Variants in BCAN observed in about 807,000 individuals in gnomAD.
The protein encoded by BCAN is brevican core protein.
A neutral mutation model predicts 92.4 loss-of-function variants in BCAN; 51 were observed. The ratio of observed to expected loss-of-function variants is 0.55; its 90% confidence interval spans 0.44 to 0.70. BCAN has a LOEUF of 0.70. BCAN is among the 30% of genes least tolerant of loss of function. The pLI is 0.00. For missense variants in BCAN, 1,140 were observed against 1,212.1 expected (o/e 0.94, Z 0.88); for synonymous variants, 501 against 505.2 (o/e 0.99, Z 0.11).
In BCAN at chr1:156,652,655, ACTGGTGGTC is replaced by A. The variant is rs1454216234; in HGVS notation, c.1709_1717del (p.Gly570_Pro572del). The A allele has an allele frequency of 3.1e-6, 5 of 1,613,654 alleles. No individual in the cohort carries two copies. The highest frequency in any genetic ancestry group is 2.7e-5 in the African/African-American group (2 of 74,944). On this transcript the variant is annotated inframe_deletion, in exon 8 of 14. Coordinates refer to ENST00000329117, the MANE Select transcript of BCAN (RefSeq NM_021948.5). ...TGAGGCAAGAGAGGTGGGGGAGGCAACTGGTGGTCCTGAGCTATCTGGGGTCCCTCGAGG... is the reference window on the plus strand; with the variant it reads ...TGAGGCAAGAGAGGTGGGGGAGGCAACTGAGCTATCTGGGGTCCCTCGAGG...
chr1:156,645,102 G>A (rs1053756219), intron 1 of BCAN, among the ~76,000 whole-genome samples: 5 of 152,168 alleles, frequency 3.3e-5, no homozygotes, highest in African/African-American at 4.8e-5. Flanking sequence ...CGAGATCTTT[G>A]GAGGAATATT....
Position 156,656,293 on chromosome 1 carries a change from C to T in BCAN, c.1954C>T (p.Pro652Ser). 1 of 1,459,180 alleles carries T rather than the reference C, an allele frequency of 6.9e-7. No individual in the cohort carries two copies. The highest frequency in any genetic ancestry group is 1.7e-5 in the South Asian group (1 of 59,868). The allele number at this position is 1,459,180 out of a possible 1,614,324, so 90.4% of individuals were successfully genotyped here. The change falls in exon 9 of 14, where the codon CCC becomes TCC. Residue 652 changes from proline to serine, a missense_variant. Physicochemically the swap from Pro to Ser is moderately conservative, Grantham distance 74. Transcript: ENST00000329117. ...AVVPASGDCV[P>S]SPCHNGGTCL... ...TTTCCCCCTCTCAGGTGACTGTGTC[C>T]CCAGCCCCTGCCACAATGGTGGGAC...
chr1:156,645,139 G>A (rs1247829176), intron 1 of BCAN, among the ~76,000 whole-genome samples: 1 of 151,836 alleles, frequency 6.6e-6, no homozygotes, highest in Admixed American at 6.6e-5. Context: ...CTGATAGCCA[G>A]GGGTAGGAAG....
chr1:156,658,256 T>A lies in BCAN; in HGVS notation c.2422T>A (p.Cys808Ser), dbSNP rs770576806. 6.2e-7 allele frequency: 1 copy of A among 1,613,846 alleles called. No homozygotes were observed. Among genetic ancestry groups the A allele is most frequent in the Admixed American group, 1.7e-5 (1 of 59,974 alleles). ...VPCNYHLSYT[C>S]KMGLVSCGPP... is the part of the protein sequence containing the mutation. ...CTGCAACTACCACCTGTCCTACACC[T>A]GCAAGATGGGGCTGGGTGAGGGCAG... is the stretch of plus-strand genomic sequence containing the variant. The change falls in exon 12 of 14, where the codon TGC (cysteine) becomes AGC (serine). Residue 808 changes from cysteine to serine, a missense_variant. Cys to Ser is a moderately radical substitution (Grantham distance 112). Coordinates refer to ENST00000329117, the MANE Select transcript of BCAN (RefSeq NM_021948.5). This position sits in a 1 kb window ranked among gnomAD's most constrained non-coding sequence, Gnocchi z 4.4.
At chr1:156,657,500 A>G in intron 10 of BCAN, 175 bp from the exon 11 acceptor site, 3 of 569,894 alleles carry the variant, frequency 5.3e-6, no homozygotes, top group Non-Finnish European at 9.2e-6. Flanking sequence ...TCCCACCCCC[A>G]TTCCCCTGCT....
Position 156,652,571 on chromosome 1 carries a change from G to T in BCAN, c.1621G>T (p.Glu541Ter). ...TCCAAGGGTCCATGGACCACCTACT[G>T]AGACTCTGCCCACTCCCAGGGAGAG... ...RPPRVHGPPTETLPTPRERNL... is the reference protein window; with the variant it reads ...RPPRVHGPPT Residue 541 changes from glutamate (E) to a stop codon, truncating the protein, a stop_gained, in exon 8 of 14, where the codon GAG (glutamate) becomes TAG (stop). Coordinates refer to ENST00000329117, the MANE Select transcript of BCAN (RefSeq NM_021948.5). LOFTEE classifies it high-confidence loss of function. The T allele has an allele frequency of 6.2e-7, 1 of 1,614,098 alleles. No homozygotes were observed. The highest frequency in any genetic ancestry group is 8.5e-7 in the Non-Finnish European group (1 of 1,179,978).
chr1:156,659,479 G>A lies in BCAN; in HGVS notation c.*345G>A. 1 of 280,580 alleles carries A rather than the reference G, an allele frequency of 3.6e-6. No individual in the cohort carries two copies. The highest frequency in any genetic ancestry group is 6.6e-6 in the Non-Finnish European group (1 of 152,036). The allele number at this position is 280,580 out of a possible 1,614,324, so 17.4% of individuals were successfully genotyped here. ...TCCAAGGGAATGGGCTTGCAGGATG[G>A]AGTGTCTGTAAAATCAACAGGAAAT... On this transcript the variant is annotated 3_prime_UTR_variant, in exon 14 of 14. Transcript: ENST00000329117.
At position 156,658,643 on chromosome 1, in the gene BCAN, A is replaced by T. The variant is rs746782419; in HGVS notation, c.2538A>T (p.Glu846Asp). The part of the protein sequence containing the change: ...VDTVLRYRCR[E>D]GLAQRNLPLI... Reference sequence around the variant, plus strand: ...CTGTGCTTCGCTACCGGTGCCGGGAAGGACTGGCCCAGCGCAATCTGCCGC... The same window carrying T: ...CTGTGCTTCGCTACCGGTGCCGGGATGGACTGGCCCAGCGCAATCTGCCGC... Residue 846 changes from glutamate (E) to aspartate (D), a missense_variant, in exon 13 of 14, where the codon GAA (glutamate) becomes GAT (aspartate). Glu to Asp is a conservative substitution (Grantham distance 45, BLOSUM62 2). Transcript: ENST00000329117. This position sits in a 1 kb window ranked among gnomAD's most constrained non-coding sequence, Gnocchi z 4.4. 26 of 1,614,154 alleles carry T rather than the reference A, an allele frequency of 1.6e-5. No homozygotes were observed. The highest frequency in any genetic ancestry group is 2.0e-5 in the Non-Finnish European group (24 of 1,180,046).
chr1:156,658,369 T>C lies in BCAN; in HGVS notation c.2437+98T>C, dbSNP rs1444035976. 4.6e-6 allele frequency: 7 copies of C among 1,524,260 alleles called. No homozygotes were observed. The highest frequency in any genetic ancestry group is 4.4e-6 in the Non-Finnish European group (5 of 1,124,314). 94.4% of individuals were successfully genotyped at this position (1,524,260 alleles called of 1,614,324 possible). A position where few individuals can be genotyped will look rare whatever the true frequency, so the allele number is the denominator to read the frequency against. ...TGTAGACAGAGAGTGCAAAGCAACATAGAGGAGTCAGAACGTGTTCCAGAC... is the reference window on the plus strand; with the variant it reads ...TGTAGACAGAGAGTGCAAAGCAACACAGAGGAGTCAGAACGTGTTCCAGAC... On this transcript the variant is annotated intron_variant, in intron 12 of 13. Transcript: ENST00000329117. This position sits in a 1 kb window ranked among gnomAD's most constrained non-coding sequence, Gnocchi z 4.4.
rs368534625 is a variant in BCAN, at chr1:156,657,749, G to A, written c.2284G>A (p.Val762Ile). 6.2e-7 allele frequency: 1 copy of A among 1,611,198 alleles called. No homozygotes were observed. Among genetic ancestry groups the A allele is most frequent in the African/African-American group, 1.3e-5 (1 of 74,646 alleles). Residue 762 changes from valine (V) to isoleucine (I), a missense_variant, in exon 11 of 14, where the codon GTC becomes ATC. Coordinates refer to ENST00000329117, the MANE Select transcript of BCAN (RefSeq NM_021948.5). ...IEGDFLWSDG[V>I]PLLYENWNPG... Reference sequence around the variant, plus strand: ...AGGCGACTTCTTGTGGTCGGATGGCGTCCCCCTGGTGAGAGGCCCCAGTCG... The same window carrying A: ...AGGCGACTTCTTGTGGTCGGATGGCATCCCCCTGGTGAGAGGCCCCAGTCG...
Position 156,657,097 on chromosome 1 carries a change from G to A in BCAN, c.2209+1G>A, listed in dbSNP as rs1403987984. 1.2e-6 allele frequency: 2 copies of A among 1,611,130 alleles called. No homozygotes were observed. The highest frequency in any genetic ancestry group is 1.3e-5 in the African/African-American group (1 of 74,902). ...CCCGAGGAACAGGACTTCATCAACA[G>A]TGGGCTGGGAGACAGGGCGGGAGGG... On this transcript the variant is annotated splice_donor_variant, in intron 10 of 13. Coordinates refer to ENST00000329117, the MANE Select transcript of BCAN (RefSeq NM_021948.5). LOFTEE classifies it high-confidence loss of function.
At chr1:156,650,125 G>GGTAGTAGTA (rs376981111) in intron 6 of BCAN, among the ~76,000 whole-genome samples, 1 of 151,538 alleles carries the variant, frequency 6.6e-6, no homozygotes, top group African/African-American at 2.4e-5. Flanking sequence ...CTGGAACAGG[G>GGTAGTAGTA]GTAGTAGTAG....
chr1:156,651,307 T>C, intron 6 of BCAN, 149 bp from the exon 7 acceptor site: 1 of 735,038 alleles, frequency 1.4e-6, no homozygotes, highest in Non-Finnish European at 2.3e-6. Flanking sequence ...GAGAAATGAG[T>C]GACGAAGTTC....
At position 156,652,246 on chromosome 1, in the gene BCAN, A is replaced by G. The variant is rs756922777; in HGVS notation, c.1298-2A>G. The stretch of plus-strand genomic sequence containing the variant: ...GTGCTGAACCGTTTGTGCTTTGCCT[A>G]GAATTTGAAACACAATCCATGGTAC... On this transcript the variant is annotated splice_acceptor_variant, in intron 7 of 13. Transcript: ENST00000329117. LOFTEE classifies it high-confidence loss of function. The G allele has an allele frequency of 4.4e-6, 7 of 1,581,188 alleles. No individual in the cohort carries two copies. The highest frequency in any genetic ancestry group is 6.0e-6 in the Non-Finnish European group (7 of 1,164,924).
In BCAN at chr1:156,659,398, G is replaced by T. The variant is rs1679455075; in HGVS notation, c.*264G>T. 2.0e-6 allele frequency: 1 copy of T among 488,192 alleles called. No homozygotes were observed. Among genetic ancestry groups the T allele is most frequent in the Non-Finnish European group, 3.6e-6 (1 of 277,246 alleles). 30.2% of individuals were successfully genotyped at this position (488,192 alleles called of 1,614,324 possible). A position where few individuals can be genotyped will look rare whatever the true frequency, so the allele number is the denominator to read the frequency against. ...TGCCTCAACTGCCCTCTCCCTGGCA[G>T]CCATCTTGTCCCCTCTATTCCTCTA... On this transcript the variant is annotated 3_prime_UTR_variant, in exon 14 of 14. Transcript: ENST00000329117.
In BCAN at chr1:156,646,650, A is replaced by ACCCTGGCCCCTGGCCCCTGGCCCCTGGC. The variant is rs113490499; in HGVS notation, c.92-124_92-123insCCCCTGGCCCCTGGCCCCTGGCCCCTGG. The stretch of plus-strand genomic sequence containing the variant: ...GAGGACCTAGAGGTAGGGCTGCAGG[A>ACCCTGGCCCCTGGCCCCTGGCCCCTGGC]CCCTGGCCCCTGGCCCCTGGCCCCT... On this transcript the variant is annotated intron_variant, in intron 2 of 13. Coordinates refer to ENST00000329117, the MANE Select transcript of BCAN (RefSeq NM_021948.5). 4.1e-5 allele frequency: 49 copies of ACCCTGGCCCCTGGCCCCTGGCCCCTGGC among 1,185,948 alleles called. No homozygotes were observed. The East Asian group carries it at 6.0e-4, about 14-fold the overall frequency. The allele number at this position is 1,185,948 out of a possible 1,614,324, so 73.5% of individuals were successfully genotyped here. A position where few individuals can be genotyped will look rare whatever the true frequency, so the allele number is the denominator to read the frequency against.
chr1:156,644,486 CA>C lies in BCAN; in HGVS notation c.-8-1559del, dbSNP rs890836011. The C allele has an allele frequency of 5.0e-4, 77 of 152,620 alleles. No homozygotes were observed. The Middle Eastern group carries it at 0.024, about 47-fold the overall frequency. The allele number at this position is 152,620 out of a possible 1,614,324, so 9.5% of individuals were successfully genotyped here. ...CACTCCAGCCCCAGAACAGTCCTCC[CA>C]AGCACCCCAATGCCTGGAGCTGGTC... On this transcript the variant is annotated intron_variant, in intron 1 of 13. Transcript: ENST00000329117.
chr1:156,653,064 C>T, intron 8 of BCAN, 172 bp downstream of exon 8: 1 of 1,487,274 alleles, frequency 6.7e-7, no homozygotes, highest in Non-Finnish European at 8.9e-7. Flanking sequence ...CTCGGATATC[C>T]ACCTTGTGGG....
chr1:156,646,849 G>C lies in BCAN; in HGVS notation c.140G>C (p.Gly47Ala). 6.2e-7 allele frequency: 1 copy of C among 1,604,120 alleles called. No individual in the cohort carries two copies. ...VRIAGDAPLQ[G>A]VLGGALTIPC... Reference sequence around the variant, plus strand: ...ATCGCGGGCGACGCGCCACTGCAGGGCGTGCTCGGCGGCGCCCTCACCATC... The same window carrying C: ...ATCGCGGGCGACGCGCCACTGCAGGCCGTGCTCGGCGGCGCCCTCACCATC... Residue 47 changes from glycine (G) to alanine (A), a missense_variant, in exon 3 of 14, where the codon GGC (glycine) becomes GCC (alanine). By Grantham distance (60) the Gly-to-Ala change is moderately conservative. Transcript: ENST00000329117.
Sources: gnomAD v4.1 joint callset for allele counts (sites outside exome capture counted in the v4.1 genomes callset) on GRCh38, gnomAD v4.1.1 for gene constraint, Gnocchi (gnomAD v3.1) non-coding constraint, MANE v1.5 for transcripts, NCBI Gene and HGNC (gene_info 2026-07-23, HGNC 2026-07-21) for gene names.